The following DNMT3B variants were observed in gnomAD, a reference collection of about 807,000 sequenced individuals.
DNMT3B encodes the protein DNA methyltransferase 3 beta.
Under a neutral mutation model 120.2 loss-of-function variants are expected in DNMT3B, and 37 were observed. That is an observed-to-expected ratio of 0.31 (90% CI 0.24 to 0.40). The LOEUF (loss-of-function observed/expected upper bound fraction) is 0.40. Among genes scored for constraint, DNMT3B ranks in the 10% least tolerant of loss-of-function variants. The pLI is 1.00. For synonymous variants in DNMT3B, 412 were observed against 442.8 expected (o/e 0.93, Z 0.87); for missense variants, 878 against 1,137.3 (o/e 0.77, Z 3.28).
chr20:32,801,515 T>A (rs1981340523), intron 19 of DNMT3B, 89 bp downstream of exon 19: 2 of 1,554,162 alleles, frequency 1.3e-6, no homozygotes, highest in South Asian at 2.3e-5. Context: ...TTGCCAACAT[T>A]GGGAATGACT....
chr20:32,771,515 C>T (rs1987739379), intron 1 of DNMT3B, among the ~76,000 whole-genome samples: 1 of 151,680 alleles, frequency 6.6e-6, no homozygotes, highest in South Asian at 2.1e-4. Flanking sequence ...GTGGCATGTG[C>T]CTGTAATCCC....
chr20:32,787,163 G>A, intron 5 of DNMT3B, 67 bp from the exon 6 acceptor site: 1 of 1,579,568 alleles, frequency 6.3e-7, no homozygotes, highest in Non-Finnish European at 8.7e-7. Context: ...CCATATGGGG[G>A]TGCCGTTGGT....
In DNMT3B at chr20:32,806,226, A is replaced by G. The variant is rs762461919; in HGVS notation, c.2319A>G (p.Thr773=). The change falls in exon 22 of 23, where the codon ACA becomes ACG. Residue 773 remains threonine, a synonymous_variant. Coordinates refer to ENST00000328111, the MANE Select transcript of DNMT3B (RefSeq NM_006892.4). ...NRIAKLKKVQ[T]ITTKSNSIKQ... ...TTCTCCAGTTAAAGAAAGTACAGAC[A>G]ATAACCACCAAGTCGAACTCGATCA... The G allele has an allele frequency of 1.2e-6, 2 of 1,614,220 alleles. No homozygotes were observed. Among genetic ancestry groups the G allele is most frequent in the Non-Finnish European group, 1.7e-6 (2 of 1,180,042 alleles).
intron 1 of DNMT3B, among the ~76,000 whole-genome samples, chr20:32,766,623 C>T (rs1345657389): frequency 1.3e-5 from 2 of 152,240 alleles, no homozygotes; most frequent in African/African-American, 2.4e-5. Flanking sequence ...GAGACAGTCT[C>T]GCTCTGTTGC....
At chr20:32,792,940 T>C (rs746362592) in intron 9 of DNMT3B, among the ~76,000 whole-genome samples, 170 bp downstream of exon 9, 16 of 152,250 alleles carry the variant, frequency 1.1e-4, no homozygotes, top group Non-Finnish European at 2.4e-4. Context: ...GCCAGCTCTA[T>C]CTGGCTTCCC....
chr20:32,788,686 CCTCGGT>C (rs2145958997), intron 6 of DNMT3B, among the ~76,000 whole-genome samples, 162 bp from the exon 7 acceptor site: 1 of 152,328 alleles, frequency 6.6e-6, no homozygotes, highest in East Asian at 1.9e-4. Flanking sequence ...GATCCCCCTG[CCTCGGT>C]CTCCCAAAGT....
In DNMT3B at chr20:32,775,892, G is replaced by A. The variant is rs1988043692; in HGVS notation, c.-6-4426G>A. The stretch of plus-strand genomic sequence containing the variant: ...TGGGTGACTTAACTCATCTGAGTCT[G>A]TTGAAGGCAGGGGGATAATAAGACC... On this transcript the variant is annotated intron_variant, in intron 1 of 22. Transcript: ENST00000328111. Among the ~76,000 whole-genome samples, 4 of 152,240 alleles carry A rather than the reference G, an allele frequency of 2.6e-5. No individual in the cohort carries two copies. The South Asian group carries it at 8.3e-4, about 31-fold the overall frequency.
chr20:32,784,915 C>T (rs1406470932), intron 4 of DNMT3B, 56 bp downstream of exon 4: 2 of 1,547,594 alleles, frequency 1.3e-6, no homozygotes, highest in African/African-American at 1.4e-5. Context: ...ACATAGCATA[C>T]ATAGCATGCT....
intron 1 of DNMT3B, among the ~76,000 whole-genome samples, chr20:32,764,875 T>G (rs1256250734): frequency 2.0e-5 from 3 of 152,092 alleles, no homozygotes; most frequent in Non-Finnish European, 4.4e-5. Context: ...GAGGTGGGGT[T>G]GAGAGGCTGC....
At chr20:32,765,513 C>T (rs1187240438) in intron 1 of DNMT3B, among the ~76,000 whole-genome samples, 19 of 149,248 alleles carry the variant, frequency 1.3e-4, no homozygotes, top group Admixed American at 2.7e-4. Context: ...CTCTGCCTCC[C>T]GGGTTCAAGC....
chr20:32,793,212 G>A (rs1440812323), intron 9 of DNMT3B, among the ~76,000 whole-genome samples: 1 of 152,180 alleles, frequency 6.6e-6, no homozygotes, highest in Non-Finnish European at 1.5e-5. Context: ...TAGATTTAAA[G>A]GCCAGGCCTA....
At chr20:32,766,891 A>T (rs1004658749) in intron 1 of DNMT3B, among the ~76,000 whole-genome samples, 5 of 142,506 alleles carry the variant, frequency 3.5e-5, no homozygotes, top group African/African-American at 1.1e-4. Context: ...ATTTTTTTTT[A>T]ATTATTTTTA....
At chr20:32,803,452 C>T (rs767331905) in intron 20 of DNMT3B, among the ~76,000 whole-genome samples, 17 of 152,316 alleles carry the variant, frequency 1.1e-4, no homozygotes, top group Middle Eastern at 6.8e-3. Flanking sequence ...GGCTAAGCAG[C>T]CAGTCTTAGG....
chr20:32,793,340 G>A (rs566593149), intron 9 of DNMT3B, among the ~76,000 whole-genome samples, 196 bp from the exon 10 acceptor site: 1 of 152,278 alleles, frequency 6.6e-6, no homozygotes, highest in Non-Finnish European at 1.5e-5. Context: ...CTTGGCATGT[G>A]CCTGTGGTCC....
chr20:32,779,305 C>T (rs10485500), intron 1 of DNMT3B, among the ~76,000 whole-genome samples: 10,992 of 152,298 alleles, frequency 0.072, 1,255 homozygotes, highest in African/African-American at 0.24. Flanking sequence ...TTTACTCGTT[C>T]TCTATCTAAT....
At chr20:32,792,232 A>G (rs1980056200) in intron 8 of DNMT3B, among the ~76,000 whole-genome samples, 1 of 152,146 alleles carries the variant, frequency 6.6e-6, no homozygotes, top group Non-Finnish European at 1.5e-5. Flanking sequence ...TAATGTCCCC[A>G]TCTTTAGGGA....
chr20:32,780,214 T>C, intron 1 of DNMT3B, 104 bp from the exon 2 acceptor site: 1 of 1,613,048 alleles, frequency 6.2e-7, no homozygotes, highest in Non-Finnish European at 8.5e-7. Flanking sequence ...TAAGAATGCA[T>C]CCTGGGGCCT....
At chr20:32,796,898 T>A in intron 13 of DNMT3B, 29 bp downstream of exon 13, 1 of 1,614,206 alleles carries the variant, frequency 6.2e-7, no homozygotes, top group Non-Finnish European at 8.5e-7. Flanking sequence ...GCCCTGGACC[T>A]TCCTCCCCTT....
At chr20:32,805,274 A>G in intron 20 of DNMT3B, 64 bp from the exon 21 acceptor site, 1 of 1,600,770 alleles carries the variant, frequency 6.2e-7, no homozygotes, top group Non-Finnish European at 8.6e-7. Context: ...CCTCACTCCC[A>G]CCTTGTGCCT....
Sources: allele counts gnomAD v4.1 joint callset (sites outside exome capture counted in the v4.1 genomes callset), GRCh38; gene constraint gnomAD v4.1.1; transcripts MANE v1.5; gene names NCBI Gene and HGNC (gene_info 2026-07-23, HGNC 2026-07-21).